Variants in C1orf159 observed in about 807,000 individuals in gnomAD.
C1orf159 encodes the protein uncharacterized protein C1orf159.
A neutral mutation model predicts 25.6 loss-of-function variants in C1orf159; 19 were observed. The ratio of observed to expected loss-of-function variants is 0.74; its 90% CI spans 0.52 to 1.09. C1orf159 has a LOEUF of 1.09. C1orf159 is among the 50% of genes least tolerant of loss of function. The probability of loss-of-function intolerance (pLI) is 0.00; values close to 1 mark genes in which losing one functional copy is unlikely to be tolerated. For synonymous variants in C1orf159, 139 were observed against 124.7 expected, an observed-to-expected ratio of 1.12 and a Z score of -0.77; for missense variants, 274 against 290.6, an observed-to-expected ratio of 0.94 and a Z score of 0.42.
intron 7 of C1orf159, 34 bp downstream of exon 7, chr1:1,085,844 C>G: frequency 6.2e-7 from 1 of 1,610,924 alleles, no homozygotes; most frequent in Non-Finnish European, 8.5e-7. Context: ...TGCCCTGTGC[C>G]CTCCCGTGGG....
intron 1 of C1orf159, among the ~76,000 whole-genome samples, chr1:1,113,303 G>T (rs1303072313): frequency 6.6e-6 from 1 of 152,114 alleles, no homozygotes; most frequent in South Asian, 2.1e-4. Flanking sequence ...ACATACTTTG[G>T]TGCTGAAACT....
At chr1:1,114,928 G>C (rs1035435364) in intron 1 of C1orf159, 20 of 152,110 alleles carry the variant, frequency 1.3e-4, no homozygotes, top group African/African-American at 4.8e-4. Context: ...CGTACTGCTC[G>C]GGTGATGGGA....
At chr1:1,084,433 G>A in intron 8 of C1orf159, 48 bp downstream of exon 8, 2 of 1,579,798 alleles carry the variant, frequency 1.3e-6, no homozygotes, top group Non-Finnish European at 1.7e-6. Flanking sequence ...GCCTGGCACA[G>A]GCACACGCGG....
In C1orf159 at chr1:1,082,964, G is replaced by A. The variant is rs780190897; in HGVS notation, c.526C>T (p.Arg176Trp). 62 of 1,601,274 alleles carry A rather than the reference G, an allele frequency of 3.9e-5. No individual in the cohort carries two copies. Among genetic ancestry groups the A allele is most frequent in the Non-Finnish European group, 5.0e-5 (59 of 1,174,822 alleles). ...SSVRKPRYVR[R>W]ERPLDRATDP... ...GTGGCCCTGTCCAGGGGCCGCTCCC[G>A]CCTGACGTAGCGCGGCTTCCGTACT... The change falls in exon 10 of 10, where the codon CGG becomes TGG. Residue 176 changes from arginine (R) to tryptophan (W), a missense_variant. Physicochemically the swap from Arg to Trp is moderately radical, Grantham distance 101. Transcript: ENST00000421241.
intron 9 of C1orf159, chr1:1,083,958 A>G: frequency 6.2e-7 from 1 of 1,603,048 alleles, no homozygotes; most frequent in Non-Finnish European, 8.5e-7. Flanking sequence ...CACTGAAGCG[A>G]TGGCTGCTCA....
At chr1:1,101,646 A>C (rs897798126) in intron 1 of C1orf159, among the ~76,000 whole-genome samples, 138 of 152,072 alleles carry the variant, frequency 9.1e-4, no homozygotes, top group African/African-American at 3.1e-3. Flanking sequence ...TCTATCAATC[A>C]GCTCACAGTC....
chr1:1,094,939 G>A (rs546143793), intron 1 of C1orf159, among the ~76,000 whole-genome samples: 10 of 152,280 alleles, frequency 6.6e-5, no homozygotes, highest in East Asian at 3.9e-4. Context: ...CAGGTCAAGC[G>A]TCATTTCTTT....
intron 1 of C1orf159, among the ~76,000 whole-genome samples, chr1:1,093,564 T>G (rs1035518118): frequency 6.6e-6 from 1 of 152,270 alleles, no homozygotes; most frequent in Non-Finnish European, 1.5e-5. Context: ...CTGTATCTTC[T>G]AGGGTCTTAC....
intron 1 of C1orf159, 71 bp from the exon 2 acceptor site, chr1:1,092,174 C>A (rs561512786): frequency 5.8e-6 from 2 of 347,764 alleles, no homozygotes; most frequent in Non-Finnish European, 1.2e-5. Flanking sequence ...GCCTACGGTG[C>A]GGGGTCTGGG....
In C1orf159 at chr1:1,087,246, C is replaced by G; in HGVS notation, c.245-42G>C. The G allele has an allele frequency of 1.9e-6, 3 of 1,554,422 alleles. No individual in the cohort carries two copies. The highest frequency in any genetic ancestry group is 2.6e-6 in the Non-Finnish European group (3 of 1,147,090). On this transcript the variant is annotated intron_variant, in intron 5 of 9. Transcript: ENST00000421241. The surrounding 1 kb of genome is among the most constrained non-coding windows in gnomAD (Gnocchi z 8.3). The stretch of plus-strand genomic sequence containing the variant: ...CTGTGGGAAGCCTGTGTGCACGGAG[C>G]CCACGGGGACACCCACGTGCACCCT...
At position 1,089,998 on chromosome 1, in the gene C1orf159, A is replaced by T. The variant is rs1645901795; in HGVS notation, c.148+355T>A. Among the ~76,000 whole-genome samples the T allele has an allele frequency of 6.6e-6, 1 of 152,084 alleles. No individual in the cohort carries two copies. Among genetic ancestry groups the T allele is most frequent in the Middle Eastern group, 3.2e-3 (1 of 316 alleles). On this transcript the variant is annotated intron_variant, in intron 4 of 9. Coordinates refer to ENST00000421241, the MANE Select transcript of C1orf159 (RefSeq NM_017891.5). The surrounding 1 kb of genome is among the most constrained non-coding windows in gnomAD (Gnocchi z 7.5). ...TCTGCCCGAGCACGGACAGGCAAAA[A>T]TGTCTTGGGCTTTGCCAGAGGCCCC...
At chr1:1,101,495 T>A (rs1372658831) in intron 1 of C1orf159, among the ~76,000 whole-genome samples, 2 of 152,024 alleles carry the variant, frequency 1.3e-5, no homozygotes, top group African/African-American at 4.8e-5. Flanking sequence ...AAAATTTTTT[T>A]TTAAATCTCA....
chr1:1,103,441 CTG>C (rs1434550142), intron 1 of C1orf159, among the ~76,000 whole-genome samples: 1 of 152,222 alleles, frequency 6.6e-6, no homozygotes, highest in Non-Finnish European at 1.5e-5. Flanking sequence ...CACTGGAATT[CTG>C]TGATATTCCT....
chr1:1,102,096 AC>A (rs35627176), intron 1 of C1orf159, among the ~76,000 whole-genome samples: 4,148 of 132,630 alleles, frequency 0.031, 323 homozygotes, highest in African/African-American at 0.088. Flanking sequence ...AAAAAAAAAA[AC>A]AAACTTTTGA....
intron 1 of C1orf159, among the ~76,000 whole-genome samples, chr1:1,108,272 C>G (rs1313993251): frequency 7.2e-6 from 1 of 137,968 alleles, no homozygotes; most frequent in Non-Finnish European, 1.5e-5. Flanking sequence ...CTCAGCAGCA[C>G]CGTCCACCAC....
Position 1,082,362 on chromosome 1 carries a change from G to C in C1orf159, c.*531C>G, listed in dbSNP as rs1645756036. ...GGGAGGACAGCCCAGAGGCACCCTG[G>C]TCTCAGGCAGCTGGTTCCTAGGCTG... On this transcript the variant is annotated 3_prime_UTR_variant, in exon 10 of 10. Transcript: ENST00000421241. 6.1e-6 allele frequency: 1 copy of C among 162,772 alleles called. No homozygotes were observed. The highest frequency in any genetic ancestry group is 1.9e-4 in the East Asian group (1 of 5,326). 10.1% of individuals were successfully genotyped at this position (162,772 alleles called of 1,614,324 possible).
Position 1,092,009 on chromosome 1 carries a change from G to A in C1orf159, c.-41C>T, listed in dbSNP as rs768484074. 1.4e-4 allele frequency: 62 copies of A among 457,434 alleles called. No homozygotes were observed. The highest frequency in any genetic ancestry group is 4.9e-4 in the Admixed American group (21 of 42,584). The allele number at this position is 457,434 out of a possible 1,614,324, so 28.3% of individuals were successfully genotyped here. ...GCCTTACCTGCCCCTCCAGGATGGG[G>A]ACTACCGACATCAGCCCTTTGCCCG... On this transcript the variant is annotated 5_prime_UTR_variant, in exon 2 of 10. Transcript: ENST00000421241.
chr1:1,109,847 G>A (rs1646233755), intron 1 of C1orf159, among the ~76,000 whole-genome samples: 1 of 152,160 alleles, frequency 6.6e-6, no homozygotes, highest in Non-Finnish European at 1.5e-5. Flanking sequence ...CGCGGCCCGG[G>A]AGTCACTCCA....
chr1:1,082,721 G>C lies in C1orf159; in HGVS notation c.*172C>G. 1 of 617,492 alleles carries C rather than the reference G, an allele frequency of 1.6e-6. No homozygotes were observed. Among genetic ancestry groups the C allele is most frequent in the Non-Finnish European group, 2.9e-6 (1 of 345,362 alleles). 38.3% of individuals were successfully genotyped at this position (617,492 alleles called of 1,614,324 possible). A position where few individuals can be genotyped will look rare whatever the true frequency, so the allele number is the denominator to read the frequency against. ...GCTGTGGTGGGGAGGAGCCTCAGGCGGCCCGGGACCCTTTGGCGTCCGTCG... is the reference window on the plus strand; with the variant it reads ...GCTGTGGTGGGGAGGAGCCTCAGGCCGCCCGGGACCCTTTGGCGTCCGTCG... On this transcript the variant is annotated 3_prime_UTR_variant, in exon 10 of 10. Coordinates refer to ENST00000421241, the MANE Select transcript of C1orf159 (RefSeq NM_017891.5).
Sources: allele counts gnomAD v4.1 joint callset (sites outside exome capture counted in the v4.1 genomes callset), GRCh38; gene constraint gnomAD v4.1.1; non-coding constraint Gnocchi (gnomAD v3.1); transcripts MANE v1.5; gene names NCBI Gene and HGNC (gene_info 2026-07-23, HGNC 2026-07-21).